The following DAB1 variants were observed in gnomAD, a reference collection of about 807,000 sequenced individuals.
The protein encoded by DAB1 is disabled homolog 1.
In DAB1, 15 loss-of-function variants were observed where a neutral mutation model predicts 64.6. The observed-to-expected ratio is 0.23, with a 90% CI of 0.16 to 0.36. The LOEUF is 0.36. DAB1 is among the 10% of genes least tolerant of loss of function. The pLI is 1.00. For missense variants in DAB1, 596 were observed against 706.7 expected (o/e 0.84, Z 1.78); for synonymous variants, 235 against 251.9 (o/e 0.93, Z 0.64).
At chr1:57,660,806 A>T (rs1558585530) in intron 6 of DAB1, among the ~76,000 whole-genome samples, 1 of 152,020 alleles carries the variant, frequency 6.6e-6, no homozygotes, top group South Asian at 2.1e-4. Flanking sequence ...ATTTGGCACA[A>T]CTCTGCAGGT....
At chr1:58,546,567 G>T in intron 1 of DAB1, 1 of 138,684 alleles carries the variant, frequency 7.2e-6, no homozygotes, top group Non-Finnish European at 1.5e-5. Context: ...CCATCCCCAA[G>T]GATCCCCACT....
chr1:57,952,228 G>A (rs1200540299), intron 5 of DAB1, among the ~76,000 whole-genome samples: 3 of 152,072 alleles, frequency 2.0e-5, no homozygotes, highest in Non-Finnish European at 2.9e-5. Flanking sequence ...CTTGTTCTGT[G>A]TGTCTTCTTC....
intron 7 of DAB1, among the ~76,000 whole-genome samples, chr1:57,636,620 G>C (rs531638560): frequency 1.3e-5 from 2 of 152,308 alleles, no homozygotes; most frequent in Admixed American, 1.3e-4. Context: ...TTTGCAGGTA[G>C]AGCCAACAAA....
chr1:57,659,382 AAC>A (rs1646357930), intron 6 of DAB1, among the ~76,000 whole-genome samples: 1 of 152,232 alleles, frequency 6.6e-6, no homozygotes, highest in Non-Finnish European at 1.5e-5. Flanking sequence ...CATTGCATTA[AAC>A]ACAGATATTA....
chr1:58,443,113 C>T (rs1208531092), intron 3 of DAB1, among the ~76,000 whole-genome samples: 2 of 152,166 alleles, frequency 1.3e-5, no homozygotes, highest in Admixed American at 6.5e-5. Flanking sequence ...GTGCATCCAG[C>T]CCCTGCCACT....
At chr1:57,924,938 G>A (rs1644858851) in intron 5 of DAB1, among the ~76,000 whole-genome samples, 1 of 152,094 alleles carries the variant, frequency 6.6e-6, no homozygotes, top group Admixed American at 6.5e-5. Flanking sequence ...AATTGTATTA[G>A]TTATTAATAG....
chr1:57,306,812 G>A (rs1197512665), intron 1 of DAB1: 4 of 152,040 alleles, frequency 2.6e-5, no homozygotes, highest in Non-Finnish European at 5.9e-5. Context: ...TTAATGATAC[G>A]ACCATGGCAG....
chr1:57,467,275 A>T (rs1011676682), intron 7 of DAB1, among the ~76,000 whole-genome samples: 9 of 152,174 alleles, frequency 5.9e-5, no homozygotes, highest in Non-Finnish European at 1.2e-4. Flanking sequence ...GATGAAAAAC[A>T]TTGATTTGAT....
rs192936885 is a variant in DAB1 at position 57,257,256 on chromosome 1, A to G, written c.67+33708T>C. Among the ~76,000 whole-genome samples, 9 of 152,242 alleles carry G rather than the reference A, an allele frequency of 5.9e-5. No individual in the cohort carries two copies. The East Asian group carries it at 1.5e-3, about 26-fold the overall frequency. On this transcript the variant is annotated intron_variant, in intron 2 of 14. Transcript: ENST00000371236. ...GGTGGCCATGGTTGTATCTCCTGCAAACAAATTGCCTAGATGTCTCCAACA... is the reference window on the plus strand; with the variant it reads ...GGTGGCCATGGTTGTATCTCCTGCAGACAAATTGCCTAGATGTCTCCAACA...
chr1:57,948,694 T>C (rs1557571754), intron 5 of DAB1, among the ~76,000 whole-genome samples: 1 of 152,242 alleles, frequency 6.6e-6, no homozygotes, highest in African/African-American at 2.4e-5. Context: ...GTTCTGAATC[T>C]TCCTCTTGAG....
intron 7 of DAB1, among the ~76,000 whole-genome samples, chr1:57,559,729 G>A (rs975160813): frequency 2.0e-5 from 3 of 152,150 alleles, no homozygotes; most frequent in Non-Finnish European, 4.4e-5. Context: ...CTTAGCAGCT[G>A]GCAGAAACCC....
At chr1:58,136,042 A>G (rs1013359380) in intron 5 of DAB1, among the ~76,000 whole-genome samples, 2 of 152,186 alleles carry the variant, frequency 1.3e-5, no homozygotes, top group Admixed American at 6.5e-5. Context: ...GATCGCTGCA[A>G]CAAAGTGTTT....
At chr1:57,592,059 C>G (rs959897042) in intron 7 of DAB1, among the ~76,000 whole-genome samples, 6 of 152,168 alleles carry the variant, frequency 3.9e-5, no homozygotes, top group African/African-American at 7.2e-5. Flanking sequence ...AGTCTTGATA[C>G]TGTGAAATCC....
At chr1:57,198,659 A>T (rs472749) in intron 2 of DAB1, among the ~76,000 whole-genome samples, 34,139 of 132,586 alleles carry the variant, frequency 0.26, 4,703 homozygotes, top group Middle Eastern at 0.34. Flanking sequence ...TCACACACAC[A>T]CACACACACA....
intron 4 of DAB1, among the ~76,000 whole-genome samples, chr1:57,132,495 A>G (rs1370148327): frequency 1.3e-5 from 2 of 152,132 alleles, no homozygotes; most frequent in African/African-American, 4.8e-5. Flanking sequence ...CCAAATCAAA[A>G]AATCTGAAAC....
rs542902915 is a variant in DAB1, at chr1:57,834,729, T to C, written n.88-8274A>G. On this transcript the variant is annotated intron_variant and non_coding_transcript_variant, in intron 1 of 1. Coordinates refer to the DAB1 transcript ENST00000477280. Reference sequence around the variant, plus strand: ...GTACAACTAGATATGACTATATATATGGTTTAAAATATATATACATAAAAT... The same window carrying C: ...GTACAACTAGATATGACTATATATACGGTTTAAAATATATATACATAAAAT... Among the ~76,000 whole-genome samples the C allele has an allele frequency of 2.6e-5, 4 of 151,872 alleles. No individual in the cohort carries two copies. The East Asian group carries it at 5.8e-4, about 22-fold the overall frequency.
At chr1:57,386,691 C>T (rs1213893262) in intron 1 of DAB1, 1 of 152,128 alleles carries the variant, frequency 6.6e-6, no homozygotes, top group Non-Finnish European at 1.5e-5. Flanking sequence ...CTCTTCCTCA[C>T]ACAGTACAGC....
intron 6 of DAB1, among the ~76,000 whole-genome samples, chr1:57,749,377 C>T (rs973594811): frequency 6.6e-6 from 1 of 152,176 alleles, no homozygotes; most frequent in Admixed American, 6.5e-5. Flanking sequence ...CAAGTCATTA[C>T]CAGTCTGTAA....
chr1:57,488,630 C>T (rs951323959), intron 7 of DAB1, among the ~76,000 whole-genome samples: 3 of 151,520 alleles, frequency 2.0e-5, no homozygotes, highest in Non-Finnish European at 4.4e-5. Context: ...GAGCCAAGAT[C>T]GCATCATTGC....
Sources: allele counts gnomAD v4.1 joint callset (sites outside exome capture counted in the v4.1 genomes callset), GRCh38; gene constraint gnomAD v4.1.1; transcripts MANE v1.5; gene names NCBI Gene and HGNC (gene_info 2026-07-23, HGNC 2026-07-21).